Variants in NRG3 observed in about 807,000 individuals in gnomAD.
NRG3 encodes the protein neuregulin 3.
In NRG3, 31 loss-of-function variants were observed where a neutral mutation model predicts 66.9. The observed-to-expected ratio is 0.46, with a 90% CI of 0.35 to 0.63. The LOEUF is 0.63. Ranked by LOEUF, NRG3 falls within the 20% of genes least tolerant of loss-of-function variation. The probability of loss-of-function intolerance (pLI) is 0.00; values close to 1 mark genes in which losing one functional copy is unlikely to be tolerated. For missense variants in NRG3, 910 were observed against 878.9 expected (o/e 1.04, Z -0.45); for synonymous variants, 393 against 359.4 (o/e 1.09, Z -1.06).
chr10:82,370,698 C>T (rs760579105), intron 2 of NRG3, among the ~76,000 whole-genome samples: 7 of 152,050 alleles, frequency 4.6e-5, no homozygotes, highest in South Asian at 2.1e-4. Context: ...TGTCAGTGCA[C>T]GTTAACATCC....
chr10:82,844,031 A>AAT (rs2063191455), intron 3 of NRG3, among the ~76,000 whole-genome samples: 1 of 152,136 alleles, frequency 6.6e-6, no homozygotes, highest in Non-Finnish European at 1.5e-5. Flanking sequence ...TCTATATATA[A>AAT]ATATATATAA....
At chr10:82,387,302 C>T (rs1014443989) in intron 2 of NRG3, among the ~76,000 whole-genome samples, 2 of 151,850 alleles carry the variant, frequency 1.3e-5, no homozygotes, top group Non-Finnish European at 2.9e-5. Flanking sequence ...AATTCCAATC[C>T]GCTCATTGTC....
At chr10:82,564,800 A>G (rs916916913) in intron 2 of NRG3, among the ~76,000 whole-genome samples, 1 of 152,250 alleles carries the variant, frequency 6.6e-6, no homozygotes, top group South Asian at 2.1e-4. Context: ...TCGTGAGATG[A>G]CATTCTCTGA....
chr10:82,345,617 T>C lies in NRG3; in HGVS notation c.824-13122T>C, dbSNP rs1279244556. ...TCTGTGAAGAAAGTCATTGGTAGCT[T>C]GATGGGGATGGCATTGAATCTATAA... On this transcript the variant is annotated intron_variant, in intron 1 of 8. Coordinates refer to ENST00000372141, the MANE Select transcript of NRG3 (RefSeq NM_001010848.4). 2.6e-5 allele frequency among the ~76,000 whole-genome samples: 4 copies of C among 151,560 alleles called. No individual in the cohort carries two copies. The East Asian group carries it at 7.8e-4, about 30-fold the overall frequency.
At chr10:82,124,586 G>A (rs1223788770) in intron 1 of NRG3, among the ~76,000 whole-genome samples, 1 of 151,718 alleles carries the variant, frequency 6.6e-6, no homozygotes, top group Non-Finnish European at 1.5e-5. Flanking sequence ...GCAAGAGGAG[G>A]GAGAACATTA....
intron 1 of NRG3, among the ~76,000 whole-genome samples, chr10:82,083,168 G>A (rs186968711): frequency 9.3e-4 from 141 of 152,078 alleles, no homozygotes; most frequent in African/African-American, 3.3e-3. Context: ...ATGATGTACA[G>A]TAGCACTGTA....
intron 4 of NRG3, among the ~76,000 whole-genome samples, chr10:82,871,019 C>T (rs1291347955): frequency 6.6e-6 from 1 of 152,132 alleles, no homozygotes; most frequent in East Asian, 1.9e-4. Flanking sequence ...TAAATACTCT[C>T]ATATGTGATC....
At chr10:82,473,873 C>T (rs1240919364) in intron 2 of NRG3, among the ~76,000 whole-genome samples, 6 of 152,036 alleles carry the variant, frequency 3.9e-5, no homozygotes, top group Non-Finnish European at 7.4e-5. Context: ...GAGCTACAAA[C>T]GTGAAGACCC....
chr10:82,385,496 C>T (rs2085921019), intron 2 of NRG3, among the ~76,000 whole-genome samples: 1 of 152,118 alleles, frequency 6.6e-6, no homozygotes, highest in African/African-American at 2.4e-5. Flanking sequence ...CACTGGTAGG[C>T]AGGTCTCAAA....
intron 1 of NRG3, among the ~76,000 whole-genome samples, chr10:82,173,017 T>C (rs1397037743): frequency 6.6e-6 from 1 of 152,066 alleles, no homozygotes; most frequent in Non-Finnish European, 1.5e-5. Context: ...ATCCATAAGC[T>C]AGGGTGACTT....
At chr10:82,389,751 T>G (rs1341672476) in intron 2 of NRG3, among the ~76,000 whole-genome samples, 22 of 152,206 alleles carry the variant, frequency 1.4e-4, no homozygotes. Flanking sequence ...GGGTAGTTTC[T>G]GGACTTAAAA....
intron 1 of NRG3, among the ~76,000 whole-genome samples, chr10:82,094,462 AC>A (rs796159511): frequency 2.2e-4 from 34 of 152,366 alleles, no homozygotes; most frequent in African/African-American, 7.9e-4. Context: ...AAATAGATCT[AC>A]CTTTTGATCT....
intron 1 of NRG3, among the ~76,000 whole-genome samples, chr10:82,096,082 G>GT (rs1244991653): frequency 6.6e-6 from 1 of 152,212 alleles, no homozygotes; most frequent in Non-Finnish European, 1.5e-5. Context: ...ATTCGAGCCA[G>GT]TAGGTAGGTG....
At chr10:82,059,972 C>T (rs1428887173) in intron 1 of NRG3, among the ~76,000 whole-genome samples, 4 of 152,174 alleles carry the variant, frequency 2.6e-5, no homozygotes, top group Non-Finnish European at 5.9e-5. Context: ...GCCACTTGCA[C>T]GGCCCTGGAC....
At chr10:82,006,049 C>T (rs1243318108) in intron 1 of NRG3, among the ~76,000 whole-genome samples, 1 of 152,004 alleles carries the variant, frequency 6.6e-6, no homozygotes, top group Non-Finnish European at 1.5e-5. Flanking sequence ...CTGTGTAATG[C>T]TAAATAGATC....
intron 1 of NRG3, among the ~76,000 whole-genome samples, chr10:81,987,189 G>A (rs1370757909): frequency 2.0e-5 from 3 of 151,952 alleles, no homozygotes; most frequent in Non-Finnish European, 4.4e-5. Flanking sequence ...CCAGGTTCAA[G>A]CAATTCTGCC....
At position 81,882,708 on chromosome 10, in the gene NRG3, G is replaced by A. The variant is rs117326064; in HGVS notation, c.823+6545G>A. Among the ~76,000 whole-genome samples the A allele has an allele frequency of 3.0e-3, 453 of 152,216 alleles. 1 individual carries two copies. The highest frequency in any genetic ancestry group is 5.0e-3 in the Non-Finnish European group (338 of 68,000). Reference sequence around the variant, plus strand: ...AAGAGCACATCAGACTATTGAATTCGGTTGAAATATTGGAGCTGGTTTGTT... The same window carrying A: ...AAGAGCACATCAGACTATTGAATTCAGTTGAAATATTGGAGCTGGTTTGTT... On this transcript the variant is annotated intron_variant, in intron 1 of 8. Transcript: ENST00000372141.
chr10:82,905,694 C>T (rs1415938503), intron 4 of NRG3, among the ~76,000 whole-genome samples: 1 of 152,072 alleles, frequency 6.6e-6, no homozygotes, highest in Non-Finnish European at 1.5e-5. Flanking sequence ...CTGCTAACCC[C>T]CGACCTCCCA....
chr10:82,885,379 G>T (rs1842638480), intron 4 of NRG3, among the ~76,000 whole-genome samples: 1 of 152,148 alleles, frequency 6.6e-6, no homozygotes, highest in Admixed American at 6.5e-5. Flanking sequence ...GGTCCGGGGA[G>T]ATTGCCTTAT....
Sources: gnomAD v4.1 joint callset for allele counts (sites outside exome capture counted in the v4.1 genomes callset) on GRCh38, gnomAD v4.1.1 for gene constraint, MANE v1.5 for transcripts, NCBI Gene and HGNC (gene_info 2026-07-23, HGNC 2026-07-21) for gene names.